Variants in COP1 observed in about 807,000 individuals in gnomAD.
The protein encoded by COP1 is E3 ubiquitin-protein ligase COP1.
A neutral mutation model predicts 101.3 loss-of-function variants in COP1; 24 were observed. That is an observed-to-expected ratio of 0.24 (90% CI 0.17 to 0.33). COP1 has a LOEUF of 0.33. COP1 is among the 10% of genes least tolerant of loss of function. The probability of loss-of-function intolerance (pLI) is 1.00; values close to 1 mark genes in which losing one functional copy is unlikely to be tolerated. For synonymous variants in COP1, 347 were observed against 341.9 expected, an observed-to-expected ratio of 1.01 and a Z score of -0.17; for missense variants, 663 against 906.2, an observed-to-expected ratio of 0.73 and a Z score of 3.45.
chr1:176,006,007 A>G (rs932430572), intron 15 of COP1, among the ~76,000 whole-genome samples: 1 of 152,138 alleles, frequency 6.6e-6, no homozygotes, highest in Non-Finnish European at 1.5e-5. Context: ...GTCACTCAGG[A>G]CTTGCTTTAT....
chr1:176,000,824 G>A (rs1661425904), intron 15 of COP1, among the ~76,000 whole-genome samples: 1 of 151,578 alleles, frequency 6.6e-6, no homozygotes, highest in South Asian at 2.1e-4. Flanking sequence ...TTTAGTTTGA[G>A]TATATTTTAA....
chr1:176,197,497 T>C (rs1699823865), intron 1 of COP1, among the ~76,000 whole-genome samples: 1 of 152,204 alleles, frequency 6.6e-6, no homozygotes, highest in South Asian at 2.1e-4. Flanking sequence ...TCTAGACCTA[T>C]GAGAAAATAA....
chr1:176,019,423 A>C (rs555495720), intron 15 of COP1, among the ~76,000 whole-genome samples: 1 of 150,280 alleles, frequency 6.7e-6, no homozygotes, highest in African/African-American at 2.4e-5. Context: ...AGACCATGCC[A>C]CTGCACTCCA....
At chr1:176,119,050 A>C (rs2502841) in intron 8 of COP1, among the ~76,000 whole-genome samples, 113,311 of 152,170 alleles carry the variant, frequency 0.74, 44,407 homozygotes, top group East Asian at 0.92. Context: ...TGAAGAACTT[A>C]ACCATATAAA....
chr1:176,056,452 G>T (rs956442800), intron 11 of COP1, among the ~76,000 whole-genome samples: 1 of 151,996 alleles, frequency 6.6e-6, no homozygotes, highest in African/African-American at 2.4e-5. Context: ...AATATATAAA[G>T]ATACTTACAA....
chr1:176,195,199 T>C (rs915414084), intron 1 of COP1, among the ~76,000 whole-genome samples: 22 of 151,482 alleles, frequency 1.5e-4, no homozygotes, highest in African/African-American at 5.3e-4. Flanking sequence ...GGAAGGAAGC[T>C]GAAGAGGCTA....
chr1:176,122,183 A>T (rs1687254998), intron 8 of COP1, among the ~76,000 whole-genome samples: 1 of 151,814 alleles, frequency 6.6e-6, no homozygotes, highest in South Asian at 2.1e-4. Context: ...ATGATTTAAG[A>T]CCTAAAATTC....
chr1:176,027,737 A>G (rs1667922037), intron 14 of COP1, 49 bp from the exon 15 acceptor site: 10 of 1,074,744 alleles, frequency 9.3e-6, no homozygotes, highest in Middle Eastern at 4.0e-4. Context: ...GTAATACATT[A>G]GTAAATGCTT....
At chr1:176,128,074 G>T (rs887049524) in intron 8 of COP1, among the ~76,000 whole-genome samples, 1 of 151,968 alleles carries the variant, frequency 6.6e-6, no homozygotes, top group African/African-American at 2.4e-5. Context: ...TTTAAAAATA[G>T]GGGTGTTTCA....
At chr1:176,015,988 T>C (rs942559817) in intron 15 of COP1, among the ~76,000 whole-genome samples, 2 of 152,154 alleles carry the variant, frequency 1.3e-5, no homozygotes, top group Admixed American at 1.3e-4. Flanking sequence ...ACGTGAAGAA[T>C]GAGATACATG....
chr1:176,127,365 T>C (rs1246774368), intron 8 of COP1, among the ~76,000 whole-genome samples: 1 of 152,194 alleles, frequency 6.6e-6, no homozygotes, highest in Admixed American at 6.5e-5. Flanking sequence ...CATCCACCTC[T>C]AATCTCTGTT....
intron 18 of COP1, among the ~76,000 whole-genome samples, chr1:175,980,702 A>G (rs1027470372): frequency 2.0e-5 from 3 of 151,816 alleles, no homozygotes; most frequent in Non-Finnish European, 4.4e-5. Context: ...TTGCCTGAGG[A>G]TAGAGTGTAC....
chr1:176,160,216 A>G, intron 5 of COP1: 1 of 361,666 alleles, frequency 2.8e-6, no homozygotes, highest in Middle Eastern at 4.3e-4. Context: ...CACTTTCACT[A>G]TGTAATTATC....
chr1:176,036,921 T>A lies in COP1; in HGVS notation c.1612+6265A>T, dbSNP rs547353642. ...TTTTATGGACTTTGATGCCCATAAA[T>A]CTTGTAACAAATAAAATGTATCGAT... On this transcript the variant is annotated intron_variant, in intron 14 of 19. Transcript: ENST00000367669. 2.5e-3 allele frequency among the ~76,000 whole-genome samples: 382 copies of A among 152,300 alleles called. 2 individuals are homozygous for A. The highest frequency in any genetic ancestry group is 9.0e-3 in the African/African-American group (373 of 41,564).
At chr1:176,091,478 A>G (rs1681295168) in intron 9 of COP1, among the ~76,000 whole-genome samples, 2 of 152,210 alleles carry the variant, frequency 1.3e-5, no homozygotes, top group African/African-American at 4.8e-5. Context: ...GTGATTCTAA[A>G]TATTACTATT....
intron 9 of COP1, among the ~76,000 whole-genome samples, chr1:176,111,525 C>T (rs777575847): frequency 6.6e-6 from 1 of 152,120 alleles, no homozygotes; most frequent in Non-Finnish European, 1.5e-5. Context: ...GATCTCTTGA[C>T]CTTGCGATCC....
intron 3 of COP1, among the ~76,000 whole-genome samples, chr1:176,173,093 C>T (rs1696336469): frequency 6.6e-6 from 1 of 151,870 alleles, no homozygotes; most frequent in South Asian, 2.1e-4. Context: ...TGGGTGATCA[C>T]GAGGTCAGGA....
intron 5 of COP1, among the ~76,000 whole-genome samples, chr1:176,158,292 T>C (rs531946176): frequency 2.3e-4 from 35 of 152,298 alleles, no homozygotes; most frequent in African/African-American, 6.5e-4. Context: ...TTTATACTTA[T>C]ATGGAGTACC....
intron 1 of COP1, among the ~76,000 whole-genome samples, chr1:176,189,566 G>C (rs1005460552): frequency 6.6e-6 from 1 of 151,850 alleles, no homozygotes; most frequent in African/African-American, 2.4e-5. Context: ...GCTGCCCACA[G>C]ACCTGTACTA....
Sources: gnomAD v4.1 joint callset for allele counts (sites outside exome capture counted in the v4.1 genomes callset) on GRCh38, gnomAD v4.1.1 for gene constraint, MANE v1.5 for transcripts, NCBI Gene and HGNC (gene_info 2026-07-23, HGNC 2026-07-21) for gene names.